PDE1A: variants seen among roughly 807,000 people sequenced by gnomAD.
PDE1A encodes the protein dual specificity calcium/calmodulin-dependent 3',5'-cyclic nucleotide phosphodiesterase 1A.
In PDE1A, 35 loss-of-function variants were observed where a neutral mutation model predicts 61.7. The ratio of observed to expected loss-of-function variants is 0.57; its 90% CI spans 0.43 to 0.75. The LOEUF is 0.75. Among genes scored for constraint, PDE1A ranks in the 30% least tolerant of loss-of-function variants. PDE1A has a pLI of 0.00. For synonymous variants in PDE1A, 232 were observed against 213.2 expected (o/e 1.09, Z -0.77); for missense variants, 597 against 630.6 (o/e 0.95, Z 0.57).
At chr2:182,167,923 A>T in exon 14 of PDE1A, 2 of 1,114,140 alleles carry the variant, frequency 1.8e-6, no homozygotes, top group Non-Finnish European at 2.2e-6. Context: ...TAGAAATGAC[A>T]AAATTAGCAA....
At chr2:182,380,106 C>CTTTT (rs1226939777) in intron 1 of PDE1A, among the ~76,000 whole-genome samples, 43 of 103,856 alleles carry the variant, frequency 4.1e-4, no homozygotes, top group Admixed American at 8.3e-4. Flanking sequence ...CCCAGCTCCT[C>CTTTT]TTTTTTTTTT....
At chr2:182,436,938 G>A (rs1684466452) in intron 2 of PDE1A, among the ~76,000 whole-genome samples, 1 of 151,700 alleles carries the variant, frequency 6.6e-6, no homozygotes, top group Non-Finnish European at 1.5e-5. Flanking sequence ...AAGCACCTTG[G>A]CCAACCATAT....
the PDE1A span, among the ~76,000 whole-genome samples, chr2:182,575,400 G>A: frequency 6.6e-6 from 1 of 151,884 alleles, no homozygotes; most frequent in Non-Finnish European, 1.5e-5. Flanking sequence ...AAAGATAGGA[G>A]GAGCCCAAAG....
the PDE1A span, among the ~76,000 whole-genome samples, chr2:182,683,697 G>A: frequency 3.9e-5 from 6 of 152,138 alleles, no homozygotes; most frequent in Non-Finnish European, 8.8e-5. Context: ...AAAATAACAA[G>A]TAGGAAAAAA....
chr2:182,219,629 T>C (rs865868685), intron 7 of PDE1A, among the ~76,000 whole-genome samples: 1 of 152,144 alleles, frequency 6.6e-6, no homozygotes, highest in Non-Finnish European at 1.5e-5. Context: ...TCCTGGTAGA[T>C]ACTTAATGCT....
chr2:182,498,045 C>CAAA lies in PDE1A; in HGVS notation c.101+24228_101+24230dup, dbSNP rs57707793. On this transcript the variant is annotated intron_variant, in intron 2 of 14. Transcript: ENST00000410103. The stretch of plus-strand genomic sequence containing the variant: ...TGTGCGACAGAGCGAGATTGCGTCT[C>CAAA]AAAAAAAAAAAAAAAAAAAAAAAAA... 1.1e-3 allele frequency among the ~76,000 whole-genome samples: 70 copies of CAAA among 64,310 alleles called. 5 individuals are homozygous for CAAA. The highest frequency in any genetic ancestry group is 3.3e-3 in the African/African-American group (55 of 16,654). The allele number at this position is 64,310 out of a possible 152,430, so 42.2% of individuals were successfully genotyped here.
chr2:182,436,763 A>G (rs1277351299), intron 2 of PDE1A, among the ~76,000 whole-genome samples: 2 of 152,060 alleles, frequency 1.3e-5, no homozygotes, highest in East Asian at 3.9e-4. Flanking sequence ...ACTCAAGGCA[A>G]CTAGACTTTA....
chr2:182,341,371 C>A (rs1191373809), intron 1 of PDE1A, among the ~76,000 whole-genome samples: 1 of 152,184 alleles, frequency 6.6e-6, no homozygotes, highest in Non-Finnish European at 1.5e-5. Context: ...GGCTATTTTT[C>A]TAAATTTCTA....
At chr2:182,478,956 A>G (rs1687540154) in intron 2 of PDE1A, among the ~76,000 whole-genome samples, 1 of 151,896 alleles carries the variant, frequency 6.6e-6, no homozygotes, top group African/African-American at 2.4e-5. Context: ...TAATGGCACA[A>G]TGTCTGAAAA....
At chr2:182,662,449 C>G in the PDE1A span, among the ~76,000 whole-genome samples, 1 of 151,986 alleles carries the variant, frequency 6.6e-6, no homozygotes, top group African/African-American at 2.4e-5. Context: ...TTCTACAGGG[C>G]TACAGTAACC....
At chr2:182,414,506 C>G (rs1046970554) in intron 1 of PDE1A, among the ~76,000 whole-genome samples, 4 of 152,058 alleles carry the variant, frequency 2.6e-5, no homozygotes, top group Admixed American at 2.6e-4. Context: ...TAGAACTCCT[C>G]AGGATAGCAT....
chr2:182,388,377 T>C (rs912549489), intron 1 of PDE1A, among the ~76,000 whole-genome samples: 30 of 152,306 alleles, frequency 2.0e-4, no homozygotes, highest in African/African-American at 7.2e-4. Flanking sequence ...ATACACATTC[T>C]TCTCAACTGC....
At chr2:182,549,252 T>C in the PDE1A span, among the ~76,000 whole-genome samples, 547 of 152,238 alleles carry the variant, frequency 3.6e-3, 5 homozygotes, top group Non-Finnish European at 6.4e-3. Context: ...GTATGTTTCA[T>C]AGAAGATAAA....
chr2:182,553,482 G>A, the PDE1A span, among the ~76,000 whole-genome samples: 31 of 152,238 alleles, frequency 2.0e-4, no homozygotes, highest in South Asian at 4.1e-4. Context: ...CACCTGCCTC[G>A]GTCTCCCAAA....
chr2:182,167,849 C>T, downstream of PDE1A: 1 of 955,402 alleles, frequency 1.0e-6, no homozygotes, highest in Non-Finnish European at 1.3e-6. Flanking sequence ...TTAATTTGCA[C>T]TACATTTTTG....
chr2:182,607,953 T>C, the PDE1A span, among the ~76,000 whole-genome samples: 1 of 152,144 alleles, frequency 6.6e-6, no homozygotes, highest in Non-Finnish European at 1.5e-5. Context: ...TTGGCAAAAA[T>C]GACCAGGCCT....
At chr2:182,692,473 A>G in the PDE1A span, among the ~76,000 whole-genome samples, 9 of 151,858 alleles carry the variant, frequency 5.9e-5, no homozygotes, top group African/African-American at 2.2e-4. Context: ...GAAAAATGAG[A>G]ACACTTGGAC....
intron 1 of PDE1A, among the ~76,000 whole-genome samples, chr2:182,325,342 A>G (rs1696968758): frequency 6.6e-6 from 1 of 152,202 alleles, no homozygotes; most frequent in South Asian, 2.1e-4. Context: ...TCTAACATAA[A>G]AGCTAAAACT....
rs1212434038 is a variant in PDE1A at position 182,140,517 on chromosome 2, T to C, written c.*2565A>G. ...AAATATGATTTATTTAGCAATCACATGTAATAAGAAACACAGAAAAATACA... is the reference window on the plus strand; with the variant it reads ...AAATATGATTTATTTAGCAATCACACGTAATAAGAAACACAGAAAAATACA... On this transcript the variant is annotated 3_prime_UTR_variant, in exon 15 of 15. Coordinates refer to the PDE1A transcript ENST00000435564. 3.9e-5 allele frequency: 6 copies of C among 152,268 alleles called. No individual in the cohort carries two copies. The South Asian group carries it at 1.2e-3, about 32-fold the overall frequency. The allele number at this position is 152,268 out of a possible 1,614,324, so 9.4% of individuals were successfully genotyped here.
Sources: allele counts gnomAD v4.1 joint callset (sites outside exome capture counted in the v4.1 genomes callset), GRCh38; gene constraint gnomAD v4.1.1; transcripts MANE v1.5; gene names NCBI Gene and HGNC (gene_info 2026-07-23, HGNC 2026-07-21).